ODAD3: variants seen among roughly 807,000 people sequenced by gnomAD.
ODAD3 encodes outer dynein arm docking complex subunit 3.
In ODAD3, 57 loss-of-function variants were observed where a neutral mutation model predicts 70.9. The ratio of observed to expected loss-of-function variants is 0.80; its 90% CI spans 0.65 to 1.00. The LOEUF is 1.00. Ranked by LOEUF, ODAD3 falls within the 50% of genes least tolerant of loss-of-function variation. ODAD3 has a pLI of 0.00. For missense variants in ODAD3, 797 were observed against 763.9 expected, an observed-to-expected ratio of 1.04 and a Z score of -0.51; for synonymous variants, 327 against 315.9, an observed-to-expected ratio of 1.04 and a Z score of -0.37.
chr19:11,425,576 T>C (rs536744061), intron 7 of ODAD3, among the ~76,000 whole-genome samples: 5 of 145,208 alleles, frequency 3.4e-5, no homozygotes, highest in African/African-American at 1.3e-4. Context: ...TGTATGTATG[T>C]ATATATGTAT....
At chr19:11,425,551 ATATGTATATATGTGTG>A (rs1472140993) in intron 7 of ODAD3, among the ~76,000 whole-genome samples, 22 of 131,748 alleles carry the variant, frequency 1.7e-4, no homozygotes, top group African/African-American at 7.0e-4. Flanking sequence ...ATGTATGTAT[ATATGTATATATGTGTG>A]TATGTATGTA....
rs1267677656 is a variant in ODAD3, at chr19:11,430,697, A to ACCTGT, written c.441_444+1dup. On this transcript the variant is annotated splice_donor_variant, in intron 3 of 12. Coordinates refer to ENST00000356392, the MANE Select transcript of ODAD3 (RefSeq NM_145045.5). LOFTEE classifies it high-confidence loss of function. ...GAGGAGGTGGGGCGAGGGTGGGCAA[A>ACCTGT]CCTGTCCTGTCCTGTTCTTCAGGTA... is the stretch of plus-strand genomic sequence containing the variant. The ACCTGT allele has an allele frequency of 6.2e-7, 1 of 1,613,722 alleles. No homozygotes were observed. Among genetic ancestry groups the ACCTGT allele is most frequent in the East Asian group, 2.2e-5 (1 of 44,868 alleles).
rs1474301722 is a variant in ODAD3, at chr19:11,421,173, T to A, written c.1630A>T (p.Thr544Ser). 1.2e-6 allele frequency: 2 copies of A among 1,612,800 alleles called. No homozygotes were observed. The highest frequency in any genetic ancestry group is 2.7e-5 in the African/African-American group (2 of 74,600). ...SLEGRLPEYN[T>S]RIALPLATSK... is the part of the protein sequence containing the mutation. ...GTGGCAAGGGGCAGGGCGATGCGGG[T>A]GTTGTATTCGGGCAGCCTTCCCTCT... Residue 544 changes from threonine (T) to serine (S), a missense_variant, in exon 12 of 13, where the codon ACC becomes TCC. By Grantham distance (58) the Thr-to-Ser change is moderately conservative. Coordinates refer to ENST00000356392, the MANE Select transcript of ODAD3 (RefSeq NM_145045.5).
At position 11,425,229 on chromosome 19, in the gene ODAD3, A is replaced by G. The variant is rs868459182; in HGVS notation, c.963+915T>C. Among the ~76,000 whole-genome samples, 143 of 137,256 alleles carry G rather than the reference A, an allele frequency of 1.0e-3. 26 individuals carry two copies. The highest frequency in any genetic ancestry group is 4.5e-3 in the East Asian group (20 of 4,490). The allele number at this position is 137,256 out of a possible 152,430, so 90.0% of individuals were successfully genotyped here. A position where few individuals can be genotyped will look rare whatever the true frequency, so the allele number is the denominator to read the frequency against. On this transcript the variant is annotated intron_variant, in intron 7 of 12. Coordinates refer to ENST00000356392, the MANE Select transcript of ODAD3 (RefSeq NM_145045.5). The stretch of plus-strand genomic sequence containing the variant: ...TGTACATATGTGTATATATGTGTGT[A>G]TATGTACATATGTGTATATATGTAT...
chr19:11,421,070 T>C (rs1038441926), intron 12 of ODAD3, 58 bp downstream of exon 12: 8 of 1,558,722 alleles, frequency 5.1e-6, no homozygotes, highest in Non-Finnish European at 7.0e-6. Context: ...TCTGACAACC[T>C]CCTGCTACCC....
At position 11,430,982 on chromosome 19, in the gene ODAD3, T is replaced by C; in HGVS notation, c.283A>G (p.Asn95Asp). ...RKAFFESSQW[N>D]IKKNQETISQ... ...ATGGTCTCCTGGTTCTTCTTGATGT[T>C]CCACTGAGAGCTCTCAAAAAAAGCC... is the stretch of plus-strand genomic sequence containing the variant. Residue 95 changes from asparagine to aspartate, a missense_variant, in exon 2 of 13, where the codon AAC becomes GAC. Coordinates refer to ENST00000356392, the MANE Select transcript of ODAD3 (RefSeq NM_145045.5). 6.2e-7 allele frequency: 1 copy of C among 1,614,112 alleles called. No homozygotes were observed. Among genetic ancestry groups the C allele is most frequent in the Non-Finnish European group, 8.5e-7 (1 of 1,180,030 alleles).
rs528337895 is a variant in ODAD3 at position 11,426,929 on chromosome 19, T to A, written c.556A>T (p.Ser186Cys). The part of the protein sequence containing the change: ...RRLEELQLQH[S>C]LRLLEMAEAQ... ...TCCGCCATCTCCAGAAGGCGCAGGC[T>A]GTGCTGCAGCTGGAGCTCCTCCAGC... Residue 186 changes from serine (S) to cysteine (C), a missense_variant, in exon 4 of 13, where the codon AGC (serine) becomes TGC (cysteine). Physicochemically the swap from Ser to Cys is moderately radical, Grantham distance 112 (BLOSUM62 -1). Coordinates refer to ENST00000356392, the MANE Select transcript of ODAD3 (RefSeq NM_145045.5). 3 of 1,610,324 alleles carry A rather than the reference T, an allele frequency of 1.9e-6. No homozygotes were observed. The South Asian group carries it at 3.3e-5, about 18-fold the overall frequency.
intron 5 of ODAD3, 41 bp downstream of exon 5, chr19:11,426,642 C>T (rs1969382231): frequency 1.2e-6 from 2 of 1,613,366 alleles, no homozygotes; most frequent in Admixed American, 1.7e-5. Flanking sequence ...CAAGCCCGCC[C>T]TCCCTGTTTG....
At position 11,420,806 on chromosome 19, in the gene ODAD3, G is replaced by A. The variant is rs1969112277; in HGVS notation, c.*29C>T. On this transcript the variant is annotated 3_prime_UTR_variant, in exon 13 of 13. Coordinates refer to ENST00000356392, the MANE Select transcript of ODAD3 (RefSeq NM_145045.5). ...CCCGGAGGGATCGGGGGCTCCGAAG[G>A]GGGCCGCCTGGTGGGTGTCAGGACG... 1 of 1,592,166 alleles carries A rather than the reference G, an allele frequency of 6.3e-7. No homozygotes were observed. Among genetic ancestry groups the A allele is most frequent in the Non-Finnish European group, 8.6e-7 (1 of 1,160,416 alleles).
chr19:11,424,021 G>A lies in ODAD3; in HGVS notation c.972C>T (p.Arg324=), dbSNP rs781672649. ...ENERMERKTH[R]EHLLLQSDDT... ...CGTCGGACTGTAGCAGCAGGTGCTC[G>A]CGGTGGGTCTGCTCGTGGGTTGAGG... The change falls in exon 8 of 13, where the codon CGC becomes CGT. Residue 324 remains arginine (R), a synonymous_variant. Transcript: ENST00000356392. The A allele has an allele frequency of 1.4e-5, 23 of 1,608,986 alleles. No homozygotes were observed. Among genetic ancestry groups the A allele is most frequent in the Middle Eastern group, 1.6e-4 (1 of 6,074 alleles).
intron 7 of ODAD3, among the ~76,000 whole-genome samples, chr19:11,425,353 G>GTATATGTA (rs1969310142): frequency 8.8e-6 from 1 of 113,550 alleles, no homozygotes. Flanking sequence ...GTATATATGT[G>GTATATGTA]TATATGTACA....
At chr19:11,421,892 CCAGGGGCGGGGCT>C in intron 10 of ODAD3, 60 bp from the exon 11 acceptor site, 1 of 1,544,878 alleles carries the variant, frequency 6.5e-7, no homozygotes, top group Non-Finnish European at 8.7e-7. Flanking sequence ...AAGGCTCCAC[CCAGGGGCGGGGCT>C]TTTCTTTCGG....
intron 7 of ODAD3, among the ~76,000 whole-genome samples, chr19:11,425,303 G>A (rs1325633171): frequency 1.6e-5 from 2 of 122,626 alleles, no homozygotes; most frequent in African/African-American, 3.9e-5. Context: ...GTATATATGT[G>A]TATGTGTACA....
In ODAD3 at chr19:11,420,647, G is replaced by T; in HGVS notation, c.*188C>A. ...ATTGCGCAACTCTGAGGCCGGGGCG[G>T]ACCCAGCTGGGGAGATTTACTGTGG... On this transcript the variant is annotated 3_prime_UTR_variant, in exon 13 of 13. Transcript: ENST00000356392. 1.7e-6 allele frequency: 1 copy of T among 602,594 alleles called. No individual in the cohort carries two copies. Among genetic ancestry groups the T allele is most frequent in the Non-Finnish European group, 2.9e-6 (1 of 339,528 alleles). The allele number at this position is 602,594 out of a possible 1,614,324, so 37.3% of individuals were successfully genotyped here.
chr19:11,424,513 GTA>G lies in ODAD3; in HGVS notation c.964-486_964-485del, dbSNP rs1430361314. Among the ~76,000 whole-genome samples the G allele has an allele frequency of 3.3e-4, 44 of 134,508 alleles. 1 individual carries two copies. Among genetic ancestry groups the G allele is most frequent in the East Asian group, 2.0e-3 (10 of 5,052 alleles). 88.2% of individuals were successfully genotyped at this position (134,508 alleles called of 152,430 possible). On this transcript the variant is annotated intron_variant, in intron 7 of 12. Transcript: ENST00000356392. Reference sequence around the variant, plus strand: ...AAAATCCATATATATATGTATATATGTATATATATGTATATATGTATATATGT... The same window carrying G: ...AAAATCCATATATATATGTATATATGTATATATGTATATATGTATATATGT...
At chr19:11,426,000 C>A in intron 7 of ODAD3, 144 bp downstream of exon 7, 1 of 1,140,216 alleles carries the variant, frequency 8.8e-7, no homozygotes, top group Non-Finnish European at 1.2e-6. Flanking sequence ...GGTCTTCGCA[C>A]CAAGTGGGGG....
intron 7 of ODAD3, 105 bp downstream of exon 7, chr19:11,426,039 G>T (rs1307635186): frequency 6.2e-6 from 9 of 1,446,922 alleles, no homozygotes; most frequent in Non-Finnish European, 8.2e-6. Flanking sequence ...GGGGTTAGGA[G>T]AAACAGAAAA....
intron 8 of ODAD3, 79 bp downstream of exon 8, chr19:11,423,798 T>G: frequency 7.0e-7 from 1 of 1,435,458 alleles, no homozygotes; most frequent in Non-Finnish European, 9.3e-7. Context: ...GGTGTGTCGG[T>G]TTCACCGGCT....
At position 11,430,788 on chromosome 19, in the gene ODAD3, G is replaced by A; in HGVS notation, c.367-12C>T. On this transcript the variant is annotated splice_polypyrimidine_tract_variant and intron_variant, in intron 2 of 12. Coordinates refer to ENST00000356392, the MANE Select transcript of ODAD3 (RefSeq NM_145045.5). Reference sequence around the variant, plus strand: ...ACTTTCTCATCTCCCTGCAAGGAGGGAAGTCCAGTCACCTTTCAGCATGCC... The same window carrying A: ...ACTTTCTCATCTCCCTGCAAGGAGGAAAGTCCAGTCACCTTTCAGCATGCC... 3 of 1,614,064 alleles carry A rather than the reference G, an allele frequency of 1.9e-6. No individual in the cohort carries two copies. The highest frequency in any genetic ancestry group is 2.5e-6 in the Non-Finnish European group (3 of 1,180,002).
Sources: allele counts gnomAD v4.1 joint callset (sites outside exome capture counted in the v4.1 genomes callset), GRCh38; gene constraint gnomAD v4.1.1; transcripts MANE v1.5; gene names NCBI Gene and HGNC (gene_info 2026-07-23, HGNC 2026-07-21).